The following MBTD1 variants were observed in gnomAD, a reference collection of about 807,000 sequenced individuals.
The protein encoded by MBTD1 is MBT domain-containing protein 1.
In MBTD1, 24 loss-of-function variants were observed where a neutral mutation model predicts 87.8. The observed-to-expected ratio is 0.27, with a 90% CI of 0.20 to 0.38. MBTD1 has a LOEUF of 0.38. MBTD1 is among the 10% of genes least tolerant of loss of function. The pLI is 1.00. For synonymous variants in MBTD1, 237 were observed against 248.6 expected, an observed-to-expected ratio of 0.95 and a Z score of 0.44; for missense variants, 436 against 760.2, an observed-to-expected ratio of 0.57 and a Z score of 5.02.
chr17:51,214,753 A>G (rs1350298228), intron 6 of MBTD1, among the ~76,000 whole-genome samples: 1 of 152,146 alleles, frequency 6.6e-6, no homozygotes, highest in African/African-American at 2.4e-5. Flanking sequence ...GTAGAAGAGA[A>G]GGCAGGTGTA....
intron 6 of MBTD1, among the ~76,000 whole-genome samples, chr17:51,212,810 G>A (rs2052326679): frequency 6.6e-6 from 1 of 152,158 alleles, no homozygotes; most frequent in African/African-American, 2.4e-5. Context: ...AGGCTAGAGT[G>A]CAGTGGCGCA....
At chr17:51,214,122 A>G (rs1025075500) in intron 6 of MBTD1, among the ~76,000 whole-genome samples, 13 of 118,160 alleles carry the variant, frequency 1.1e-4, no homozygotes, top group Non-Finnish European at 2.1e-4. Context: ...CACATCATAT[A>G]TATATACACA....
chr17:51,203,688 T>C, intron 8 of MBTD1, 103 bp downstream of exon 8: 2 of 1,290,864 alleles, frequency 1.5e-6, no homozygotes, highest in Non-Finnish European at 2.2e-6. Flanking sequence ...TGAGCGGCCA[T>C]GCCCGGCCTT....
At chr17:51,244,421 C>T (rs1443580012) in intron 2 of MBTD1, among the ~76,000 whole-genome samples, 1 of 152,040 alleles carries the variant, frequency 6.6e-6, no homozygotes, top group African/African-American at 2.4e-5. Context: ...GTTCTTGTGT[C>T]CTCTTTTTTT....
chr17:51,209,495 A>G (rs990008791), intron 6 of MBTD1: 2 of 470,976 alleles, frequency 4.2e-6, no homozygotes, highest in Admixed American at 2.3e-5. Context: ...AGGGGTCCCC[A>G]ACACAAATGT....
chr17:51,256,219 T>C (rs527715144), intron 2 of MBTD1: 2 of 152,120 alleles, frequency 1.3e-5, no homozygotes, highest in Non-Finnish European at 2.9e-5. Context: ...TGAGTGGAGG[T>C]TTACAGAAAC....
intron 13 of MBTD1, among the ~76,000 whole-genome samples, chr17:51,193,792 G>A (rs2050929103): frequency 6.6e-6 from 1 of 152,024 alleles, no homozygotes; most frequent in Non-Finnish European, 1.5e-5. Context: ...CTAATTTTTT[G>A]TTGTTTTTAG....
intron 16 of MBTD1, chr17:51,185,658 T>C (rs1598277394): frequency 6.6e-6 from 1 of 152,136 alleles, no homozygotes; most frequent in Non-Finnish European, 1.5e-5. Flanking sequence ...CGTTTTTCTG[T>C]TTTTTTAATC....
chr17:51,186,454 G>A (rs988700220), intron 16 of MBTD1: 2 of 151,724 alleles, frequency 1.3e-5, no homozygotes, highest in Non-Finnish European at 2.9e-5. Context: ...TTTAAAACAA[G>A]ACAAAGTAAA....
At chr17:51,226,663 G>A (rs1459834072) in intron 2 of MBTD1, among the ~76,000 whole-genome samples, 2 of 149,314 alleles carry the variant, frequency 1.3e-5, no homozygotes, top group Non-Finnish European at 3.0e-5. Flanking sequence ...ACAGAGTCTC[G>A]CTCTGTCACC....
Position 51,259,297 on chromosome 17 carries a change from A to C in MBTD1, c.-112-91T>G, listed in dbSNP as rs1042078984. On this transcript the variant is annotated intron_variant, in intron 1 of 16. Transcript: ENST00000586178. The stretch of plus-strand genomic sequence containing the variant: ...AACCCTTTTAAATATGCAGCCTTGG[A>C]GGCTGCTTCCCAAACACCACTCCCA... 5 of 1,227,410 alleles carry C rather than the reference A, an allele frequency of 4.1e-6. No homozygotes were observed. The African/African-American group carries it at 7.8e-5, about 19-fold the overall frequency. The allele number at this position is 1,227,410 out of a possible 1,614,324, so 76.0% of individuals were successfully genotyped here. A position where few individuals can be genotyped will look rare whatever the true frequency, so the allele number is the denominator to read the frequency against.
At chr17:51,207,202 AGAC>A in intron 6 of MBTD1, among the ~76,000 whole-genome samples, 197 bp from the exon 7 acceptor site, 1 of 152,240 alleles carries the variant, frequency 6.6e-6, no homozygotes. Flanking sequence ...CACATATATT[AGAC>A]TAGATTCATG....
At chr17:51,212,319 C>G in intron 6 of MBTD1, among the ~76,000 whole-genome samples, 1 of 150,122 alleles carries the variant, frequency 6.7e-6, no homozygotes, top group East Asian at 2.0e-4. Context: ...GATCACACCA[C>G]TGCACTCCAG....
chr17:51,246,261 T>C (rs1016651719), intron 2 of MBTD1, among the ~76,000 whole-genome samples: 1 of 152,144 alleles, frequency 6.6e-6, no homozygotes, highest in African/African-American at 2.4e-5. Context: ...TTATACAGTA[T>C]AAAAAAAATT....
Position 51,192,878 on chromosome 17 carries a change from C to T in MBTD1, c.1594G>A (p.Glu532Lys). 6.2e-7 allele frequency: 1 copy of T among 1,614,194 alleles called. No homozygotes were observed. Among genetic ancestry groups the T allele is most frequent in the Non-Finnish European group, 8.5e-7 (1 of 1,180,022 alleles). ...LRIHFDGWEE[E>K]YDQWVDCESP... ...TCACAGTCTACCCACTGATCATACT[C>T]TTCTTCCCATCCATCAAAATGTATC... Residue 532 changes from glutamate (E) to lysine (K), a missense_variant, in exon 15 of 17, where the codon GAG (glutamate) becomes AAG (lysine). Transcript: ENST00000586178.
chr17:51,236,479 A>G (rs141921096), intron 2 of MBTD1, among the ~76,000 whole-genome samples: 9 of 152,326 alleles, frequency 5.9e-5, no homozygotes, highest in African/African-American at 2.2e-4. Context: ...ACCTGGCCTC[A>G]AGTCATCTGC....
At chr17:51,245,538 T>C (rs1039177786) in intron 2 of MBTD1, among the ~76,000 whole-genome samples, 7 of 152,096 alleles carry the variant, frequency 4.6e-5, no homozygotes, top group African/African-American at 1.4e-4. Context: ...GTCTGGACTT[T>C]ATTATTATGT....
At chr17:51,223,791 G>A (rs535592940) in intron 3 of MBTD1, among the ~76,000 whole-genome samples, 9 of 152,234 alleles carry the variant, frequency 5.9e-5, no homozygotes, top group South Asian at 2.1e-4. Flanking sequence ...AGCCGAGATT[G>A]CACCACTGCA....
intron 9 of MBTD1, 48 bp from the exon 10 acceptor site, chr17:51,202,983 A>G: frequency 1.4e-6 from 2 of 1,476,818 alleles, no homozygotes; most frequent in Non-Finnish European, 1.9e-6. Flanking sequence ...ACAAAGGTCT[A>G]CAAGAAATTT....
Sources: gnomAD v4.1 joint callset for allele counts (sites outside exome capture counted in the v4.1 genomes callset) on GRCh38, gnomAD v4.1.1 for gene constraint, MANE v1.5 for transcripts, NCBI Gene and HGNC (gene_info 2026-07-23, HGNC 2026-07-21) for gene names.